The following KYNU variants were observed in gnomAD, a reference collection of about 807,000 sequenced individuals.
The protein encoded by KYNU is kynureninase, also known as L-kynurenine hydrolase.
In KYNU, 54 loss-of-function variants were observed where a neutral mutation model predicts 59.2. The ratio of observed to expected loss-of-function variants is 0.91; its 90% confidence interval spans 0.73 to 1.14. The LOEUF is 1.14. Ranked by LOEUF, KYNU falls within the 50% of genes most tolerant of loss-of-function variation. The pLI, the probability that KYNU is intolerant of heterozygous loss-of-function variation, is 0.00. For missense variants in KYNU, 567 were observed against 554.4 expected (o/e 1.02, Z -0.23); for synonymous variants, 177 against 192.0 (o/e 0.92, Z 0.65).
At chr2:142,919,770 C>A (rs557758557) in intron 3 of KYNU, among the ~76,000 whole-genome samples, 10 of 152,142 alleles carry the variant, frequency 6.6e-5, no homozygotes, top group African/African-American at 1.9e-4. Flanking sequence ...CTCACCTCTA[C>A]TAAAAAAATA....
At chr2:143,025,010 A>G (rs1686512375) in intron 10 of KYNU, among the ~76,000 whole-genome samples, 2 of 151,730 alleles carry the variant, frequency 1.3e-5, no homozygotes, top group Non-Finnish European at 2.9e-5. Context: ...GCCTTTCTTG[A>G]AGTTTTTCAA....
intron 8 of KYNU, among the ~76,000 whole-genome samples, chr2:142,976,525 G>A (rs573070696): frequency 6.6e-6 from 1 of 152,120 alleles, no homozygotes; most frequent in African/African-American, 2.4e-5. Flanking sequence ...GTTATTTGTT[G>A]TGTAAAGGTT....
chr2:143,021,845 T>C (rs1686417960), intron 10 of KYNU, among the ~76,000 whole-genome samples: 1 of 152,132 alleles, frequency 6.6e-6, no homozygotes, highest in East Asian at 1.9e-4. Flanking sequence ...TCATATTAAA[T>C]TTGTGCATCA....
rs574600310 is a variant in KYNU at position 143,031,964 on chromosome 2, A to G, written c.956-1272A>G. Among the ~76,000 whole-genome samples, 90 of 151,944 alleles carry G rather than the reference A, an allele frequency of 5.9e-4. 1 individual carries two copies. The East Asian group carries it at 0.01, about 17-fold the overall frequency. Reference sequence around the variant, plus strand: ...TGATGGGAGGTGAGAGAGAGAGAGAAAGAGAGAGAGTGCATAAAAACTGCT... The same window carrying G: ...TGATGGGAGGTGAGAGAGAGAGAGAGAGAGAGAGAGTGCATAAAAACTGCT... On this transcript the variant is annotated intron_variant, in intron 11 of 13. Transcript: ENST00000264170.
chr2:142,957,927 T>C, intron 7 of KYNU: 1 of 496,528 alleles, frequency 2.0e-6, no homozygotes, highest in Non-Finnish European at 3.6e-6. Flanking sequence ...GGGCTAGCCA[T>C]ATGGCAAGCA....
intron 8 of KYNU, among the ~76,000 whole-genome samples, chr2:142,982,392 T>G (rs1685076489): frequency 6.6e-6 from 1 of 152,096 alleles, no homozygotes; most frequent in Admixed American, 6.6e-5. Context: ...ATGCAGTAAG[T>G]TAAATGACTT....
At chr2:142,881,641 T>C (rs1007556839) in intron 1 of KYNU, among the ~76,000 whole-genome samples, 1 of 152,202 alleles carries the variant, frequency 6.6e-6, no homozygotes, top group Non-Finnish European at 1.5e-5. Context: ...ATATTAAACA[T>C]ATCTTGTGAT....
At chr2:142,962,648 C>T (rs904073144) in intron 8 of KYNU, among the ~76,000 whole-genome samples, 1 of 152,114 alleles carries the variant, frequency 6.6e-6, no homozygotes, top group African/African-American at 2.4e-5. Flanking sequence ...CCAAGTTAGT[C>T]TCATAGAACT....
chr2:142,935,965 A>G (rs981475456), intron 4 of KYNU, among the ~76,000 whole-genome samples: 17 of 152,278 alleles, frequency 1.1e-4, no homozygotes, highest in African/African-American at 4.1e-4. Context: ...AGAAGTGGAT[A>G]CAGCTGACTG....
chr2:142,954,386 G>T (rs540791174), intron 4 of KYNU, among the ~76,000 whole-genome samples: 8 of 151,970 alleles, frequency 5.3e-5, no homozygotes, highest in Non-Finnish European at 1.0e-4. Context: ...TTTTATAAAA[G>T]GTGTATTTTA....
chr2:143,002,860 A>T (rs964395743), intron 10 of KYNU, among the ~76,000 whole-genome samples: 3 of 152,260 alleles, frequency 2.0e-5, no homozygotes, highest in African/African-American at 7.2e-5. Context: ...ATATGTAAAT[A>T]TAGGAGAAAT....
intron 2 of KYNU, among the ~76,000 whole-genome samples, chr2:142,912,138 T>C (rs1381598067): frequency 6.6e-6 from 1 of 152,126 alleles, no homozygotes; most frequent in Non-Finnish European, 1.5e-5. Context: ...CAGCTCTTCT[T>C]TGTAAGTCTG....
At chr2:142,913,635 G>A (rs1339482158) in intron 2 of KYNU, among the ~76,000 whole-genome samples, 1 of 152,182 alleles carries the variant, frequency 6.6e-6, no homozygotes, top group Non-Finnish European at 1.5e-5. Context: ...CATAGAGTAT[G>A]TTCTGTTCAC....
intron 10 of KYNU, among the ~76,000 whole-genome samples, chr2:142,998,217 A>G (rs1181743504): frequency 6.6e-6 from 1 of 152,180 alleles, no homozygotes; most frequent in Non-Finnish European, 1.5e-5. Context: ...AGGAGATTGT[A>G]TCTTAATTGT....
chr2:143,034,131 C>A (rs1284029510), intron 12 of KYNU, among the ~76,000 whole-genome samples: 1 of 150,476 alleles, frequency 6.6e-6, no homozygotes, highest in Non-Finnish European at 1.5e-5. Context: ...GTATAAAATT[C>A]ATATATAATG....
At chr2:143,021,242 C>T (rs190260470) in intron 10 of KYNU, among the ~76,000 whole-genome samples, 165 of 152,184 alleles carry the variant, frequency 1.1e-3, no homozygotes, top group South Asian at 2.5e-3. Flanking sequence ...ATAGGACTTT[C>T]TCTTCTGATT....
At chr2:142,905,427 C>CG (rs1201318525) in intron 2 of KYNU, among the ~76,000 whole-genome samples, 7 of 152,080 alleles carry the variant, frequency 4.6e-5, no homozygotes, top group African/African-American at 1.7e-4. Context: ...CTCAATCACC[C>CG]GAGAGGAAGC....
At chr2:142,919,965 A>G (rs1391599693) in intron 3 of KYNU, among the ~76,000 whole-genome samples, 3 of 152,136 alleles carry the variant, frequency 2.0e-5, no homozygotes, top group Non-Finnish European at 4.4e-5. Flanking sequence ...TCAGCTATTC[A>G]GGAGGCTAAG....
chr2:142,922,754 C>A (rs959947352), intron 3 of KYNU, among the ~76,000 whole-genome samples: 16 of 152,086 alleles, frequency 1.1e-4, no homozygotes, highest in African/African-American at 3.9e-4. Flanking sequence ...CATAAGGCTA[C>A]CATCTTTGAT....
Sources: gnomAD v4.1 joint callset for allele counts (sites outside exome capture counted in the v4.1 genomes callset) on GRCh38, gnomAD v4.1.1 for gene constraint, MANE v1.5 for transcripts, NCBI Gene and HGNC (gene_info 2026-07-23, HGNC 2026-07-21) for gene names.